The following TRIP12 variants were observed in gnomAD, a reference collection of about 807,000 sequenced individuals.
The protein encoded by TRIP12 is E3 ubiquitin-protein ligase TRIP12.
A neutral mutation model predicts 244.2 loss-of-function variants in TRIP12; 25 were observed. That is an observed-to-expected ratio of 0.10 (90% CI 0.07 to 0.14). The LOEUF is 0.14. Among genes scored for constraint, TRIP12 ranks in the 10% least tolerant of loss-of-function variants. The probability of loss-of-function intolerance (pLI) is 1.00; values close to 1 mark genes in which losing one functional copy is unlikely to be tolerated. For missense variants in TRIP12, 1,677 were observed against 2,486.4 expected, an observed-to-expected ratio of 0.67 and a Z score of 6.92; for synonymous variants, 905 against 873.1, an observed-to-expected ratio of 1.04 and a Z score of -0.64.
chr2:229,868,653 G>C (rs1294364775), intron 2 of TRIP12, among the ~76,000 whole-genome samples: 1 of 151,616 alleles, frequency 6.6e-6, no homozygotes, highest in Non-Finnish European at 1.5e-5. Context: ...CAAATGAGAG[G>C]ACAAAAAAAG....
intron 6 of TRIP12, chr2:229,831,221 A>G: frequency 1.5e-6 from 1 of 680,076 alleles, no homozygotes; most frequent in South Asian, 1.6e-5. Context: ...AACAAAAATA[A>G]TAAAAAGGCA....
At chr2:229,779,505 A>G (rs548809645) in intron 34 of TRIP12, among the ~76,000 whole-genome samples, 27 of 152,238 alleles carry the variant, frequency 1.8e-4, no homozygotes, top group Admixed American at 1.8e-3. Flanking sequence ...TCACAGGATG[A>G]TAACTATTTT....
rs1321498644 is a variant in TRIP12 at position 229,921,997 on chromosome 2, G to C, written c.-167C>G. On this transcript the variant is annotated 5_prime_UTR_variant, in exon 1 of 42. Transcript: ENST00000675903. ...CGGCTCCGGGTTCCTTCAATTATCA[G>C]CTGAGCCGCAGCACCGCGCCCGGCG... 7.1e-6 allele frequency: 1 copy of C among 141,386 alleles called. No homozygotes were observed. Among genetic ancestry groups the C allele is most frequent in the Non-Finnish European group, 1.5e-5 (1 of 66,880 alleles). The allele number at this position is 141,386 out of a possible 1,614,324, so 8.8% of individuals were successfully genotyped here. A position where few individuals can be genotyped will look rare whatever the true frequency, so the allele number is the denominator to read the frequency against.
chr2:229,870,738 G>A (rs1320212547), intron 2 of TRIP12, among the ~76,000 whole-genome samples: 1 of 152,180 alleles, frequency 6.6e-6, no homozygotes, highest in Non-Finnish European at 1.5e-5. Context: ...CAGTAGATAG[G>A]AATTAAGTTT....
chr2:229,797,976 A>T (rs1322918542), intron 23 of TRIP12, 145 bp from the exon 24 acceptor site: 1 of 824,926 alleles, frequency 1.2e-6, no homozygotes, highest in African/African-American at 1.7e-5. Flanking sequence ...AACCAAATTA[A>T]CTTTCACTTT....
intron 2 of TRIP12, among the ~76,000 whole-genome samples, chr2:229,871,164 A>G (rs937893548): frequency 2.1e-5 from 3 of 145,392 alleles, no homozygotes; most frequent in African/African-American, 8.0e-5. Context: ...ACAGAGCAAG[A>G]CACTGTCAAG....
At chr2:229,864,073 T>C (rs1047743366) in intron 2 of TRIP12, among the ~76,000 whole-genome samples, 4 of 149,622 alleles carry the variant, frequency 2.7e-5, no homozygotes, top group African/African-American at 1.0e-4. Context: ...TGTGTGTGTG[T>C]GTGTGCACGC....
chr2:229,797,545 T>C (rs994848617), intron 24 of TRIP12, 145 bp downstream of exon 24: 2 of 863,818 alleles, frequency 2.3e-6, no homozygotes, highest in South Asian at 2.5e-5. Context: ...GTAAAAGAAA[T>C]GCCAGCACCA....
At chr2:229,867,922 A>G (rs968235458) in intron 2 of TRIP12, among the ~76,000 whole-genome samples, 1 of 152,344 alleles carries the variant, frequency 6.6e-6, no homozygotes, top group Non-Finnish European at 1.5e-5. Context: ...TAACACGGGT[A>G]CTACTAAGAA....
chr2:229,837,026 A>G, intron 5 of TRIP12, 42 bp from the exon 6 acceptor site: 1 of 1,473,698 alleles, frequency 6.8e-7, no homozygotes, highest in Non-Finnish European at 9.0e-7. Context: ...TTACCAGTGA[A>G]CCAGGAGCAA....
chr2:229,827,747 A>G (rs953017460), intron 8 of TRIP12, among the ~76,000 whole-genome samples: 3 of 152,210 alleles, frequency 2.0e-5, no homozygotes, highest in African/African-American at 7.2e-5. Flanking sequence ...AAGCTTGTTC[A>G]ATGCATGGCC....
intron 13 of TRIP12, among the ~76,000 whole-genome samples, chr2:229,812,147 T>C (rs748661896): frequency 6.6e-5 from 10 of 152,194 alleles, no homozygotes; most frequent in Non-Finnish European, 1.3e-4. Context: ...TGGAGTGCAA[T>C]GGCACGATCT....
At chr2:229,920,704 A>C (rs868000467) in intron 1 of TRIP12, among the ~76,000 whole-genome samples, 2 of 152,018 alleles carry the variant, frequency 1.3e-5, no homozygotes, top group Non-Finnish European at 2.9e-5. Context: ...CAGGAGTTCA[A>C]AGTGTGATTT....
chr2:229,769,159 G>T, intron 40 of TRIP12, 72 bp downstream of exon 40: 1 of 1,330,352 alleles, frequency 7.5e-7, no homozygotes, highest in Non-Finnish European at 1.1e-6. Context: ...ATGTGCGCAT[G>T]TGTGTGTACA....
chr2:229,767,835 A>C, intron 41 of TRIP12, 85 bp from the exon 42 acceptor site: 2 of 1,285,370 alleles, frequency 1.6e-6, no homozygotes, highest in Non-Finnish European at 2.1e-6. Context: ...TTTGCCGTAC[A>C]ATATTACACA....
At position 229,863,324 on chromosome 2, in the gene TRIP12, T is replaced by C. The variant is rs1045390135; in HGVS notation, c.99-2793A>G. 2.6e-5 allele frequency among the ~76,000 whole-genome samples: 4 copies of C among 151,984 alleles called. No individual in the cohort carries two copies. In the East Asian group the frequency reaches 5.8e-4, roughly 22 times the overall value. On this transcript the variant is annotated intron_variant, in intron 2 of 41. Coordinates refer to ENST00000675903, the MANE Select transcript of TRIP12 (RefSeq NM_001348323.3). ...TTAAAGTGTGATATTCTAAGGACTG[T>C]TTAAAAAATATATTTTAAAAATATA... is the stretch of plus-strand genomic sequence containing the variant.
intron 8 of TRIP12, among the ~76,000 whole-genome samples, chr2:229,824,420 C>G (rs746048823): frequency 1.3e-5 from 2 of 152,086 alleles, no homozygotes; most frequent in Admixed American, 6.6e-5. Flanking sequence ...TGCATTTACA[C>G]CCATTTAAGC....
chr2:229,858,934 T>C lies in TRIP12; in HGVS notation c.865A>G (p.Arg289Gly), dbSNP rs534124088. Reference sequence around the variant, plus strand: ...CCAGTTTTACTCTGTTCCTTTTCCCTGCTACTTCTTCTGGGGCTGGGACTG... The same window carrying C: ...CCAGTTTTACTCTGTTCCTTTTCCCCGCTACTTCTTCTGGGGCTGGGACTG... ...ASSPSPRRSS[R>G]EKEQSKTGGS... The change falls in exon 4 of 42, where the codon AGG (arginine) becomes GGG (glycine). Residue 289 changes from arginine (R) to glycine (G), a missense_variant. By Grantham distance (125) the Arg-to-Gly change is moderately radical. Around this residue, in one of 11 missense-constraint regions of TRIP12, gnomAD observed 387 missense variants for 392.6 expected, o/e 0.99. Transcript: ENST00000675903. 1 of 1,614,238 alleles carries C rather than the reference T, an allele frequency of 6.2e-7. No individual in the cohort carries two copies. The highest frequency in any genetic ancestry group is 1.1e-5 in the South Asian group (1 of 91,080).
chr2:229,816,861 CA>C (rs2048633333), intron 9 of TRIP12, among the ~76,000 whole-genome samples: 1 of 152,130 alleles, frequency 6.6e-6, no homozygotes, highest in African/African-American at 2.4e-5. Flanking sequence ...AGCTATTGAA[CA>C]AATCAGCAAA....
Sources: gnomAD v4.1 joint callset for allele counts (sites outside exome capture counted in the v4.1 genomes callset) on GRCh38, gnomAD v4.1.1 for gene constraint, gnomAD v4.1.1 regional missense constraint, MANE v1.5 for transcripts, NCBI Gene and HGNC (gene_info 2026-07-23, HGNC 2026-07-21) for gene names.